IL1RAPL1: variants seen among roughly 807,000 people sequenced by gnomAD.
The protein encoded by IL1RAPL1 is interleukin 1 receptor accessory protein like 1, also known as interleukin-1 receptor accessory protein-like 1.
A neutral mutation model predicts 48.4 loss-of-function variants in IL1RAPL1; 3 were observed. That is an observed-to-expected ratio of 0.06 (90% confidence interval 0.03 to 0.16). The LOEUF (loss-of-function observed/expected upper bound fraction) is 0.16, where lower values mean the gene tolerates loss of function less well. Ranked by LOEUF, IL1RAPL1 falls within the 10% of genes least tolerant of loss-of-function variation. The pLI is 1.00. For synonymous variants in IL1RAPL1, 185 were observed against 187.7 expected (o/e 0.99, Z 0.12); for missense variants, 349 against 530.6 (o/e 0.66, Z 3.36).
intron 1 of IL1RAPL1, among the ~76,000 whole-genome samples, chrX:28,618,357 A>C (rs1470038469): frequency 8.9e-6 from 1 of 112,546 alleles, no homozygotes; most frequent in African/African-American, 3.2e-5. Context: ...CTTTTATCTT[A>C]GAAGAATGAA....
chrX:29,738,998 A>C (rs915860661), intron 6 of IL1RAPL1, among the ~76,000 whole-genome samples: 3 of 112,510 alleles, frequency 2.7e-5, no homozygotes, highest in African/African-American at 9.7e-5. Flanking sequence ...AATGGGACTA[A>C]TAACAGCCGA....
intron 1 of IL1RAPL1, among the ~76,000 whole-genome samples, chrX:28,766,225 G>A (rs907984070): frequency 6.3e-5 from 7 of 110,969 alleles, no homozygotes; most frequent in African/African-American, 2.3e-4. Context: ...GGGATTTGGA[G>A]AGAAATTAAT....
intron 3 of IL1RAPL1, among the ~76,000 whole-genome samples, chrX:29,350,594 GT>G (rs1933217541): frequency 3.8e-5 from 1 of 26,221 alleles, no homozygotes; most frequent in African/African-American, 1.6e-4. Flanking sequence ...GAGTGAGTGT[GT>G]GTGTGTGCGT....
At chrX:29,799,636 T>C (rs1479852017) in intron 6 of IL1RAPL1, among the ~76,000 whole-genome samples, 1 of 112,302 alleles carries the variant, frequency 8.9e-6, no homozygotes, top group African/African-American at 3.2e-5. Flanking sequence ...CAATTTTACT[T>C]CCTCAGTCAC....
At chrX:29,194,173 A>G (rs1042380480) in intron 2 of IL1RAPL1, among the ~76,000 whole-genome samples, 2 of 112,473 alleles carry the variant, frequency 1.8e-5, no homozygotes, top group African/African-American at 6.4e-5. Flanking sequence ...AAATTCTGAA[A>G]GAGAAACATT....
intron 2 of IL1RAPL1, among the ~76,000 whole-genome samples, chrX:29,056,887 T>C (rs1927227705): frequency 8.9e-6 from 1 of 112,342 alleles, no homozygotes; most frequent in Non-Finnish European, 1.9e-5. Context: ...CAGAAACTTT[T>C]GGTTTTTAGT....
chrX:28,643,385 T>C (rs1227418557), intron 1 of IL1RAPL1, among the ~76,000 whole-genome samples: 1 of 111,289 alleles, frequency 9.0e-6, no homozygotes, highest in Non-Finnish European at 1.9e-5. Context: ...GAAGCCACCA[T>C]GCATTCTGTG....
chrX:28,845,873 C>T (rs1921495504), intron 2 of IL1RAPL1, among the ~76,000 whole-genome samples: 1 of 112,044 alleles, frequency 8.9e-6, no homozygotes, highest in Non-Finnish European at 1.9e-5. Context: ...TAGCCTCTCT[C>T]ATTATCAACA....
intron 1 of IL1RAPL1, among the ~76,000 whole-genome samples, chrX:28,680,632 A>G (rs1217122748): frequency 1.8e-5 from 2 of 111,063 alleles, no homozygotes; most frequent in Non-Finnish European, 3.8e-5. Context: ...TTCCTTCTAT[A>G]CCTATTTTGT....
intron 1 of IL1RAPL1, among the ~76,000 whole-genome samples, chrX:28,744,366 A>G (rs770593242): frequency 2.9e-4 from 32 of 111,666 alleles, no homozygotes; most frequent in African/African-American, 1.0e-3. Flanking sequence ...CTGCCTGACA[A>G]TCCTATAAAG....
At chrX:29,268,746 C>G (rs1394039691) in intron 2 of IL1RAPL1, among the ~76,000 whole-genome samples, 1 of 112,112 alleles carries the variant, frequency 8.9e-6, no homozygotes, top group African/African-American at 3.2e-5. Flanking sequence ...GTAAGCTTAT[C>G]AAATCTCAGC....
intron 6 of IL1RAPL1, among the ~76,000 whole-genome samples, chrX:29,908,420 G>T (rs1391885325): frequency 9.3e-6 from 1 of 107,721 alleles, no homozygotes; most frequent in Non-Finnish European, 1.9e-5. Context: ...AATAATTTTA[G>T]AATCTATGCT....
At chrX:29,165,790 C>T (rs1310980965) in intron 2 of IL1RAPL1, among the ~76,000 whole-genome samples, 2 of 111,670 alleles carry the variant, frequency 1.8e-5, no homozygotes, top group East Asian at 2.8e-4. Context: ...AAGCCTGATT[C>T]ATAGTTAACA....
chrX:28,596,666 T>C (rs1933959098), intron 1 of IL1RAPL1, among the ~76,000 whole-genome samples: 1 of 112,190 alleles, frequency 8.9e-6, no homozygotes. Flanking sequence ...ATATGACCTA[T>C]GTACATCCTC....
At chrX:28,805,899 A>T (rs745689095) in intron 2 of IL1RAPL1, among the ~76,000 whole-genome samples, 26 of 110,404 alleles carry the variant, frequency 2.4e-4, no homozygotes, top group Non-Finnish European at 3.4e-4. Flanking sequence ...CGCTATGCTT[A>T]AAAGAGTCAT....
intron 2 of IL1RAPL1, among the ~76,000 whole-genome samples, chrX:28,997,416 T>C (rs913245716): frequency 2.7e-5 from 3 of 111,376 alleles, no homozygotes; most frequent in African/African-American, 9.8e-5. Flanking sequence ...CTGAAGTGAG[T>C]TTTCTGTTTC....
At chrX:29,236,929 A>G (rs1228532462) in intron 2 of IL1RAPL1, among the ~76,000 whole-genome samples, 1 of 109,510 alleles carries the variant, frequency 9.1e-6, no homozygotes, top group Non-Finnish European at 1.9e-5. Flanking sequence ...TACCTTATAT[A>G]TCCCATATTA....
intron 1 of IL1RAPL1, among the ~76,000 whole-genome samples, chrX:28,671,359 C>G (rs181120468): frequency 3.9e-4 from 43 of 111,413 alleles, no homozygotes; most frequent in African/African-American, 1.4e-3. Context: ...TTTTTCTATT[C>G]CGAAGATTGA....
chrX:29,021,335 T>C (rs1926364795), intron 2 of IL1RAPL1, among the ~76,000 whole-genome samples: 1 of 106,633 alleles, frequency 9.4e-6, no homozygotes, highest in African/African-American at 3.3e-5. Context: ...TCATGTGTCA[T>C]TTTTTAGTAG....
Sources: allele counts gnomAD v4.1 joint callset (sites outside exome capture counted in the v4.1 genomes callset), GRCh38; gene constraint gnomAD v4.1.1; transcripts MANE v1.5; gene names NCBI Gene and HGNC (gene_info 2026-07-23, HGNC 2026-07-21).